TDRD7: variants seen among roughly 807,000 people sequenced by gnomAD.
TDRD7 encodes tudor domain-containing protein 7.
In TDRD7, 47 loss-of-function variants were observed where a neutral mutation model predicts 109.8. That is an observed-to-expected ratio of 0.43 (90% confidence interval 0.34 to 0.55). The LOEUF (loss-of-function observed/expected upper bound fraction) is 0.55, where lower values mean the gene tolerates loss of function less well. Ranked by LOEUF, TDRD7 falls within the 20% of genes least tolerant of loss-of-function variation. The probability of loss-of-function intolerance (pLI) is 0.03; values close to 1 mark genes in which losing one functional copy is unlikely to be tolerated. For missense variants in TDRD7, 1,164 were observed against 1,319.2 expected, an observed-to-expected ratio of 0.88 and a Z score of 1.82; for synonymous variants, 424 against 457.3, an observed-to-expected ratio of 0.93 and a Z score of 0.93.
chr9:97,472,021 C>A (rs975521353), intron 9 of TDRD7, among the ~76,000 whole-genome samples: 1 of 152,104 alleles, frequency 6.6e-6, no homozygotes, highest in Non-Finnish European at 1.5e-5. Flanking sequence ...AAGACTGTTT[C>A]TCCCAAGGTA....
At chr9:97,457,373 C>G (rs1403033875) in intron 6 of TDRD7, among the ~76,000 whole-genome samples, 1 of 151,822 alleles carries the variant, frequency 6.6e-6, no homozygotes, top group Admixed American at 6.6e-5. Context: ...CACACACACA[C>G]AAATATATAT....
At chr9:97,414,905 C>A (rs551780533) in intron 1 of TDRD7, among the ~76,000 whole-genome samples, 3 of 152,098 alleles carry the variant, frequency 2.0e-5, no homozygotes, top group Non-Finnish European at 4.4e-5. Flanking sequence ...CTCTGAGGCT[C>A]AGTTTATTGA....
At chr9:97,452,781 A>G (rs1222694949) in intron 6 of TDRD7, among the ~76,000 whole-genome samples, 1 of 152,214 alleles carries the variant, frequency 6.6e-6, no homozygotes, top group Admixed American at 6.5e-5. Flanking sequence ...GCCAGAAAAA[A>G]ATGGGAATTC....
At chr9:97,483,613 T>C (rs973725862) in intron 15 of TDRD7, among the ~76,000 whole-genome samples, 4 of 152,046 alleles carry the variant, frequency 2.6e-5, no homozygotes, top group African/African-American at 9.7e-5. Context: ...ATTAGAAAAA[T>C]ATTTTTATTC....
At chr9:97,426,020 T>C (rs1827988868) in intron 1 of TDRD7, among the ~76,000 whole-genome samples, 1 of 152,174 alleles carries the variant, frequency 6.6e-6, no homozygotes. Flanking sequence ...AGTATTCGTG[T>C]ATCTAAACGT....
chr9:97,444,778 A>G (rs575685203), intron 6 of TDRD7, among the ~76,000 whole-genome samples: 20 of 152,344 alleles, frequency 1.3e-4, no homozygotes, highest in Middle Eastern at 3.4e-3. Flanking sequence ...TATAAGAGAA[A>G]TAAAAATCAC....
chr9:97,495,753 T>C lies in TDRD7; in HGVS notation c.3167T>C (p.Val1056Ala), dbSNP rs1460957034. ...KKPLVALVQT[V>A]IENANPWDRK... ...CCTCTGGTGGCACTGGTGCAGACAG[T>C]CATTGAAAATGCTAACCCTTGGGAC... Residue 1056 changes from valine (V) to alanine (A), a missense_variant, in exon 17 of 17, where the codon GTC becomes GCC. Coordinates refer to ENST00000355295, the MANE Select transcript of TDRD7 (RefSeq NM_014290.3). The C allele has an allele frequency of 6.2e-7, 1 of 1,614,054 alleles. No individual in the cohort carries two copies. The highest frequency in any genetic ancestry group is 8.5e-7 in the Non-Finnish European group (1 of 1,180,030).
intron 6 of TDRD7, among the ~76,000 whole-genome samples, chr9:97,445,190 C>G (rs571653735): frequency 1.3e-5 from 2 of 152,348 alleles, no homozygotes; most frequent in African/African-American, 2.4e-5. Context: ...ACACTGCACT[C>G]TAAGAGTTCC....
intron 7 of TDRD7, among the ~76,000 whole-genome samples, chr9:97,462,743 G>A (rs988339672): frequency 6.6e-6 from 1 of 152,206 alleles, no homozygotes; most frequent in Non-Finnish European, 1.5e-5. Context: ...ATTACCCACT[G>A]TCATACAAGC....
At chr9:97,423,969 T>C (rs1827942353) in intron 1 of TDRD7, among the ~76,000 whole-genome samples, 1 of 152,076 alleles carries the variant, frequency 6.6e-6, no homozygotes, top group South Asian at 2.1e-4. Flanking sequence ...AAAGAATGTA[T>C]ATTCTGCTGT....
intron 11 of TDRD7, 135 bp downstream of exon 11, chr9:97,473,761 T>C: frequency 1.7e-6 from 2 of 1,173,768 alleles, no homozygotes; most frequent in Non-Finnish European, 2.4e-6. Flanking sequence ...ATCTCTAGAA[T>C]AGTAGGTAAA....
chr9:97,438,851 T>C (rs1228383912), intron 4 of TDRD7, among the ~76,000 whole-genome samples: 1 of 152,254 alleles, frequency 6.6e-6, no homozygotes, highest in African/African-American at 2.4e-5. Flanking sequence ...AACTTCATAA[T>C]GCATTTCAAC....
intron 15 of TDRD7, 146 bp downstream of exon 15, chr9:97,483,497 T>C (rs1332408601): frequency 2.0e-6 from 2 of 1,021,900 alleles, no homozygotes; most frequent in Non-Finnish European, 2.8e-6. Context: ...TCCGATTTTC[T>C]AGTATTTAAA....
At position 97,443,584 on chromosome 9, in the gene TDRD7, G is replaced by A. The variant is rs186403037; in HGVS notation, c.855+1709G>A. Among the ~76,000 whole-genome samples, 264 of 152,246 alleles carry A rather than the reference G, an allele frequency of 1.7e-3. 2 individuals carry two copies. Among genetic ancestry groups the A allele is most frequent in the African/African-American group, 5.7e-3 (236 of 41,528 alleles). ...GAAGAATTTTCCTCACTCGATGCAG[G>A]TTTAGTGACATTGAGGTATTCCCTT... On this transcript the variant is annotated intron_variant, in intron 6 of 16. Coordinates refer to ENST00000355295, the MANE Select transcript of TDRD7 (RefSeq NM_014290.3).
At chr9:97,461,567 CAAT>C (rs1185134271) in intron 7 of TDRD7, among the ~76,000 whole-genome samples, 12 of 152,328 alleles carry the variant, frequency 7.9e-5, no homozygotes, top group Admixed American at 7.2e-4. Flanking sequence ...AGGTAGCTAA[CAAT>C]AACTAGAATA....
At position 97,460,222 on chromosome 9, in the gene TDRD7, A is replaced by G. The variant is rs1245735959; in HGVS notation, c.900A>G (p.Pro300=). ...CSGGQDLLLY[P]AKRKQLLRSE... ...GTGGCCAAGATTTACTTCTTTATCC[A>G]GCTAAGAGAAAGCAGCTTTTGAGAA... The change falls in exon 7 of 17, where the codon CCA becomes CCG. Residue 300 remains proline (P), a synonymous_variant. Transcript: ENST00000355295. The G allele has an allele frequency of 3.7e-6, 6 of 1,614,222 alleles. No homozygotes were observed. The highest frequency in any genetic ancestry group is 2.2e-5 in the South Asian group (2 of 91,086).
intron 7 of TDRD7, among the ~76,000 whole-genome samples, chr9:97,463,566 C>T (rs1828767956): frequency 6.6e-6 from 1 of 152,180 alleles, no homozygotes; most frequent in South Asian, 2.1e-4. Context: ...GGCATCTCCC[C>T]TGTCTCCTGG....
At position 97,483,361 on chromosome 9, in the gene TDRD7, T is replaced by C; in HGVS notation, c.2915+10T>C. On this transcript the variant is annotated intron_variant, in intron 15 of 16. Transcript: ENST00000355295. ...CAAAAGTGGAAAATAAGTAGGTCCTTGGACAAAGCATTTTATTCTACTCCT... is the reference window on the plus strand; with the variant it reads ...CAAAAGTGGAAAATAAGTAGGTCCTCGGACAAAGCATTTTATTCTACTCCT... The C allele has an allele frequency of 6.2e-7, 1 of 1,612,856 alleles. No individual in the cohort carries two copies. The highest frequency in any genetic ancestry group is 1.1e-5 in the South Asian group (1 of 91,084).
rs923079271 is a variant in TDRD7, at chr9:97,441,266, A to C, written c.638-392A>C. Among the ~76,000 whole-genome samples, 6 of 152,340 alleles carry C rather than the reference A, an allele frequency of 3.9e-5. No homozygotes were observed. The East Asian group carries it at 1.2e-3, about 29-fold the overall frequency. The stretch of plus-strand genomic sequence containing the variant: ...AGGAATTATTCCTATGTTCTGTGGA[A>C]TATAGCTTTAAATTCAGTATTGTCT... On this transcript the variant is annotated intron_variant, in intron 5 of 16. Transcript: ENST00000355295.
Sources: allele counts gnomAD v4.1 joint callset (sites outside exome capture counted in the v4.1 genomes callset), GRCh38; gene constraint gnomAD v4.1.1; transcripts MANE v1.5; gene names NCBI Gene and HGNC (gene_info 2026-07-23, HGNC 2026-07-21).